AKR7A3: variants seen among roughly 807,000 people sequenced by gnomAD.
AKR7A3 encodes the protein AFB1 aldehyde reductase 2.
AKR7A3 carries 37 observed loss-of-function variants against 32.5 expected under a neutral mutation model. The observed-to-expected ratio is 1.14, with a 90% confidence interval of 0.88 to 1.50. The LOEUF is 1.50. AKR7A3 is among the 40% of genes most tolerant of loss of function. The pLI, the probability that AKR7A3 is intolerant of heterozygous loss-of-function variation, is 0.00. For synonymous variants in AKR7A3, 177 were observed against 188.4 expected, an observed-to-expected ratio of 0.94 and a Z score of 0.50; for missense variants, 412 against 453.2, an observed-to-expected ratio of 0.91 and a Z score of 0.83.
chr1:19,278,584 C>A (rs1169078700), downstream of AKR7A3, among the ~76,000 whole-genome samples: 4 of 151,444 alleles, frequency 2.6e-5, no homozygotes, highest in East Asian at 1.9e-4. Context: ...ACAACAAAAA[C>A]AAAAACAAAA....
downstream of AKR7A3, among the ~76,000 whole-genome samples, chr1:19,277,811 G>A (rs535870430): frequency 6.6e-6 from 1 of 151,882 alleles, no homozygotes; most frequent in Non-Finnish European, 1.5e-5. Context: ...ATGAGCCACT[G>A]CACCTAGGTG....
chr1:19,280,341 T>C (rs568538175), downstream of AKR7A3, among the ~76,000 whole-genome samples: 14 of 151,598 alleles, frequency 9.2e-5, no homozygotes, highest in Non-Finnish European at 1.5e-4. Flanking sequence ...CCTCCTGGGT[T>C]CAAGTGATTC....
intron 6 of AKR7A3, among the ~76,000 whole-genome samples, chr1:19,283,110 C>A (rs372214558): frequency 0.01 from 1,492 of 148,126 alleles, 63 homozygotes; most frequent in African/African-American, 0.035. Context: ...ACATTCACAG[C>A]CCAGTTCTGC....
chr1:19,287,442 G>A lies in AKR7A3; in HGVS notation c.214+1054C>T, dbSNP rs2093732787. Among the ~76,000 whole-genome samples the A allele has an allele frequency of 2.0e-5, 3 of 151,828 alleles. No homozygotes were observed. The South Asian group carries it at 6.2e-4, about 31-fold the overall frequency. On this transcript the variant is annotated intron_variant, in intron 1 of 6. Transcript: ENST00000361640. Reference sequence around the variant, plus strand: ...ATCTACCATGTGGTGAATCAGAGGAGAAATAAGACTCCACTCAGACACTCA... The same window carrying A: ...ATCTACCATGTGGTGAATCAGAGGAAAAATAAGACTCCACTCAGACACTCA...
intron 1 of AKR7A3, 115 bp downstream of exon 1, chr1:19,288,381 T>TG (rs1267455281): frequency 3.1e-5 from 35 of 1,146,334 alleles, no homozygotes; most frequent in African/African-American, 6.3e-5. Flanking sequence ...GTGGGGGCGG[T>TG]GGGGGGGACA....
rs765765874 is a variant in AKR7A3 at position 19,285,041 on chromosome 1, A to G, written c.581T>C (p.Phe194Ser). The G allele has an allele frequency of 6.2e-7, 1 of 1,613,024 alleles. No individual in the cohort carries two copies. Among genetic ancestry groups the G allele is most frequent in the South Asian group, 1.1e-5 (1 of 90,970 alleles). ...FPCLRHFGLR[F>S]YAFNPLAGGL... ...ACCAGCCAGAGGGTTGAAGGCATAG[A>G]ACCTCAGTCCAAAGTGCCTGAGGCA... is the stretch of plus-strand genomic sequence containing the variant. The change falls in exon 4 of 7, where the codon TTC becomes TCC. Residue 194 changes from phenylalanine to serine, a missense_variant. Physicochemically the swap from Phe to Ser is radical, Grantham distance 155. Coordinates refer to ENST00000361640, the MANE Select transcript of AKR7A3 (RefSeq NM_012067.3).
In AKR7A3 at chr1:19,285,133, C is replaced by A. The variant is rs114042619; in HGVS notation, c.508-19G>T. On this transcript the variant is annotated intron_variant, in intron 3 of 6. Transcript: ENST00000361640. ...ACATGCCCTGTAAGGAGAGGGGCCC[C>A]GGGGGAGAGGGTGGATGTGTCAAAA... 17 of 1,612,464 alleles carry A rather than the reference C, an allele frequency of 1.1e-5. No homozygotes were observed. In the Admixed American group the frequency reaches 2.5e-4, roughly 24 times the overall value.
rs747227557 is a variant in AKR7A3 at position 19,288,625 on chromosome 1, C to T, written c.85G>A (p.Ala29Thr). 41 of 1,565,484 alleles carry T rather than the reference C, an allele frequency of 2.6e-5. No homozygotes were observed. The African/African-American group carries it at 5.2e-4, about 20-fold the overall frequency. ...TCCAGGAAGGCGCGCGTGACTGCGG[C>T]GCTGGTGGGCGCGTCCATGCGGCGC... Reference protein sequence around the residue: ...MGRRMDAPTSAAVTRAFLERG... With the variant: ...MGRRMDAPTSTAVTRAFLERG... Residue 29 changes from alanine to threonine, a missense_variant, in exon 1 of 7, where the codon GCC (alanine) becomes ACC (threonine). Coordinates refer to ENST00000361640, the MANE Select transcript of AKR7A3 (RefSeq NM_012067.3).
chr1:19,285,756 G>A, intron 3 of AKR7A3, 132 bp downstream of exon 3: 1 of 1,120,588 alleles, frequency 8.9e-7, no homozygotes, highest in South Asian at 1.4e-5. Context: ...AGGGTACCTG[G>A]GAGCCATCTG....
Position 19,288,527 on chromosome 1 carries a change from C to T in AKR7A3, c.183G>A (p.Leu61=), listed in dbSNP as rs987895476. The T allele has an allele frequency of 2.2e-5, 36 of 1,611,030 alleles. No homozygotes were observed. The highest frequency in any genetic ancestry group is 3.1e-5 in the Non-Finnish European group (36 of 1,179,498). ...EGQSETILGG[L]GLRLGGSDCR... is the part of the protein sequence containing the mutation. Reference sequence around the variant, plus strand: ...AGTCGCTGCCGCCCAGCCGGAGCCCCAGGCCGCCAAGGATGGTCTCGGACT... The same window carrying T: ...AGTCGCTGCCGCCCAGCCGGAGCCCTAGGCCGCCAAGGATGGTCTCGGACT... The change falls in exon 1 of 7, where the codon CTG becomes CTA. Residue 61 remains leucine (L), a synonymous_variant. Transcript: ENST00000361640.
intron 3 of AKR7A3, among the ~76,000 whole-genome samples, 200 bp from the exon 4 acceptor site, chr1:19,285,314 C>T (rs1206285636): frequency 6.6e-6 from 1 of 151,930 alleles, no homozygotes; most frequent in East Asian, 1.9e-4. Flanking sequence ...TTCATGAGCA[C>T]CAACTATGGG....
At chr1:19,284,570 T>C (rs543907395) in intron 5 of AKR7A3, 116 bp downstream of exon 5, 2 of 1,133,010 alleles carry the variant, frequency 1.8e-6, no homozygotes, top group South Asian at 2.7e-5. Flanking sequence ...CCCGAAGAAA[T>C]TCAGGGGAGT....
intron 6 of AKR7A3, among the ~76,000 whole-genome samples, chr1:19,283,567 C>G (rs1013404496): frequency 2.0e-5 from 3 of 152,088 alleles, no homozygotes; most frequent in Non-Finnish European, 4.4e-5. Flanking sequence ...CAGGGGCTCA[C>G]GCCTATAATC....
At chr1:19,284,483 A>G (rs754774980) in intron 5 of AKR7A3, among the ~76,000 whole-genome samples, 1 of 151,648 alleles carries the variant, frequency 6.6e-6, no homozygotes, top group Non-Finnish European at 1.5e-5. Context: ...CGACTTCAAG[A>G]CCCCGAGGTC....
downstream of AKR7A3, among the ~76,000 whole-genome samples, chr1:19,279,749 T>G (rs1472999335): frequency 6.6e-6 from 1 of 151,940 alleles, no homozygotes; most frequent in East Asian, 1.9e-4. Context: ...TTGGATCCTT[T>G]GTTCATTTTT....
rs1028835783 is a variant in AKR7A3 at position 19,285,163 on chromosome 1, A to G, written c.508-49T>C. 1.8e-5 allele frequency: 29 copies of G among 1,569,652 alleles called. 1 individual carries two copies. The African/African-American group carries it at 3.8e-4, about 21-fold the overall frequency. Reference sequence around the variant, plus strand: ...GAGAGGGTGGATGTGTCAAAAGAAGAGACTTCAAAATTACCCTTCCAGAAC... The same window carrying G: ...GAGAGGGTGGATGTGTCAAAAGAAGGGACTTCAAAATTACCCTTCCAGAAC... On this transcript the variant is annotated intron_variant, in intron 3 of 6. Coordinates refer to ENST00000361640, the MANE Select transcript of AKR7A3 (RefSeq NM_012067.3).
At chr1:19,286,575 G>A (rs534261126) in intron 1 of AKR7A3, among the ~76,000 whole-genome samples, 29 of 151,976 alleles carry the variant, frequency 1.9e-4, no homozygotes, top group Admixed American at 6.5e-5. Flanking sequence ...CAGCTAGTCC[G>A]GAGTCTGAGG....
chr1:19,282,880 C>T lies in AKR7A3; in HGVS notation c.847G>A (p.Asp283Asn), dbSNP rs1223663661. Residue 283 changes from aspartate to asparagine, a missense_variant, in exon 7 of 7, where the codon GAC becomes AAC. Transcript: ENST00000361640. ...HHSQLQGAHG[D>N]AVILGMSSLE... ...CTGGACATGCCCAGGATGACCGCGT[C>T]CCCGTGGGCACCCTGCAAGGGAGAC... 1 of 1,612,398 alleles carries T rather than the reference C, an allele frequency of 6.2e-7. No homozygotes were observed. The highest frequency in any genetic ancestry group is 1.7e-5 in the Admixed American group (1 of 59,924).
chr1:19,284,591 G>C (rs1337377180), intron 5 of AKR7A3, 95 bp downstream of exon 5: 1 of 1,298,798 alleles, frequency 7.7e-7, no homozygotes, highest in East Asian at 2.3e-5. Context: ...AGGTGCAGCA[G>C]CGAGGAAAGG....
Sources: gnomAD v4.1 joint callset for allele counts (sites outside exome capture counted in the v4.1 genomes callset) on GRCh38, gnomAD v4.1.1 for gene constraint, MANE v1.5 for transcripts, NCBI Gene and HGNC (gene_info 2026-07-23, HGNC 2026-07-21) for gene names.